The following KCND3 variants were observed in gnomAD, a reference collection of about 807,000 sequenced individuals.
The protein encoded by KCND3 is potassium voltage-gated channel subfamily D member 3.
Under a neutral mutation model 51.1 loss-of-function variants are expected in KCND3, and 9 were observed. The ratio of observed to expected loss-of-function variants is 0.18; its 90% confidence interval spans 0.11 to 0.31. KCND3 has a LOEUF of 0.31. Among genes scored for constraint, KCND3 ranks in the 10% least tolerant of loss-of-function variants. The pLI is 1.00. For synonymous variants in KCND3, 349 were observed against 368.0 expected (o/e 0.95, Z 0.59); for missense variants, 526 against 903.8 (o/e 0.58, Z 5.36).
At chr1:111,895,378 G>C (rs1476805047) in intron 2 of KCND3, among the ~76,000 whole-genome samples, 1 of 152,136 alleles carries the variant, frequency 6.6e-6, no homozygotes, top group Non-Finnish European at 1.5e-5. Flanking sequence ...AGAGCAAAGT[G>C]CACACCAAAT....
intron 2 of KCND3, among the ~76,000 whole-genome samples, chr1:111,897,144 C>A (rs1019810624): frequency 6.6e-6 from 1 of 152,234 alleles, no homozygotes; most frequent in Non-Finnish European, 1.5e-5. Flanking sequence ...CTTCCTACAG[C>A]GCTGGCCCTG....
At chr1:111,830,203 A>G (rs1040139368) in intron 2 of KCND3, among the ~76,000 whole-genome samples, 2 of 152,174 alleles carry the variant, frequency 1.3e-5, no homozygotes, top group African/African-American at 2.4e-5. Context: ...ATATCAATTA[A>G]CAAACAAATG....
chr1:111,790,649 C>T (rs545382022), intron 2 of KCND3, among the ~76,000 whole-genome samples: 65 of 152,286 alleles, frequency 4.3e-4, no homozygotes, highest in African/African-American at 1.4e-3. Flanking sequence ...TAGAGAGTTG[C>T]GCTCACATCA....
intron 2 of KCND3, among the ~76,000 whole-genome samples, chr1:111,821,687 T>C (rs1171558976): frequency 6.6e-6 from 1 of 152,130 alleles, no homozygotes; most frequent in Non-Finnish European, 1.5e-5. Flanking sequence ...GAGGCCCAGT[T>C]AGTGTCTTCT....
chr1:111,847,239 T>G (rs962374436), intron 2 of KCND3, among the ~76,000 whole-genome samples: 3 of 152,108 alleles, frequency 2.0e-5, no homozygotes, highest in Admixed American at 1.3e-4. Context: ...GGTTTTCATA[T>G]CACAGAGACA....
intron 2 of KCND3, among the ~76,000 whole-genome samples, chr1:111,979,382 C>G (rs1674816693): frequency 6.6e-6 from 1 of 152,194 alleles, no homozygotes; most frequent in Admixed American, 6.5e-5. Context: ...TTAAACTGCT[C>G]AGAAGGAAAT....
intron 2 of KCND3, among the ~76,000 whole-genome samples, chr1:111,848,750 T>C (rs1276043144): frequency 1.3e-5 from 2 of 152,198 alleles, no homozygotes; most frequent in South Asian, 2.1e-4. Context: ...CAAGCTTCCA[T>C]TCTTGCCTGT....
At chr1:111,904,399 G>T (rs1446569908) in intron 2 of KCND3, among the ~76,000 whole-genome samples, 1 of 152,166 alleles carries the variant, frequency 6.6e-6, no homozygotes, top group African/African-American at 2.4e-5. Flanking sequence ...CCCTTTAGGG[G>T]CAGCTTTCCT....
At chr1:111,900,274 T>C (rs1670324734) in intron 2 of KCND3, among the ~76,000 whole-genome samples, 1 of 152,130 alleles carries the variant, frequency 6.6e-6, no homozygotes, top group South Asian at 2.1e-4. Flanking sequence ...AGTGATGCTG[T>C]ATCTGAGACT....
At chr1:111,958,095 C>T (rs1040680991) in intron 2 of KCND3, among the ~76,000 whole-genome samples, 12 of 152,220 alleles carry the variant, frequency 7.9e-5, no homozygotes, top group Non-Finnish European at 1.5e-5. Context: ...CCCTAGGGAC[C>T]CTGCCCAGTG....
intron 2 of KCND3, among the ~76,000 whole-genome samples, chr1:111,973,332 A>G (rs192179967): frequency 1.7e-4 from 26 of 152,322 alleles, no homozygotes; most frequent in Admixed American, 1.6e-3. Context: ...GCAAGGCCCC[A>G]TGGTTTGGCC....
intron 3 of KCND3, among the ~76,000 whole-genome samples, chr1:111,781,609 T>G (rs1664389800): frequency 1.3e-5 from 2 of 152,082 alleles, no homozygotes; most frequent in Admixed American, 1.3e-4. Context: ...AACCTCTGCC[T>G]CCTGGGTTCA....
Position 111,777,146 on chromosome 1 carries a change from C to T in KCND3, c.1646G>A (p.Arg549His), listed in dbSNP as rs35027371. 8.8e-5 allele frequency: 142 copies of T among 1,614,002 alleles called. No individual in the cohort carries two copies. The highest frequency in any genetic ancestry group is 1.1e-4 in the Non-Finnish European group (124 of 1,180,030). Residue 549 changes from arginine (R) to histidine (H), a missense_variant, in exon 7 of 8, where the codon CGT becomes CAT. Coordinates refer to ENST00000302127, the MANE Select transcript of KCND3 (RefSeq NM_001378969.1). ...CAGGTGTGTGGTCTTCTTACTACGA[C>T]GGGAGCAGCAGGTGGTAGTGAGGCC... ...HPGLTTTCCS[R>H]RSKKTTHLPN...
At chr1:111,945,749 G>T (rs1488326453) in intron 2 of KCND3, among the ~76,000 whole-genome samples, 1 of 152,204 alleles carries the variant, frequency 6.6e-6, no homozygotes, top group Non-Finnish European at 1.5e-5. Context: ...AGGGTCCTGG[G>T]CTGTCATCAG....
At position 111,776,242 on chromosome 1, in the gene KCND3, C is replaced by T. The variant is rs1256882348; in HGVS notation, c.1803G>A (p.Leu601=). Residue 601 remains leucine (L), a synonymous_variant, in exon 8 of 8, where the codon CTG becomes CTA. Transcript: ENST00000302127. ...SSLNLKADDG[L]RPNCKTSQIT... is the part of the protein sequence containing the mutation. ...TCTGGGATGTTTTGCAGTTTGGTCT[C>T]AGTCCGTCGTCTGCTTTCAAATTAA... The T allele has an allele frequency of 1.2e-6, 2 of 1,614,020 alleles. No homozygotes were observed. Among genetic ancestry groups the T allele is most frequent in the African/African-American group, 1.3e-5 (1 of 74,902 alleles).
At chr1:111,776,372 G>C (rs1664112693) in intron 7 of KCND3, 94 bp from the exon 8 acceptor site, 3 of 1,171,686 alleles carry the variant, frequency 2.6e-6, no homozygotes, top group Non-Finnish European at 3.7e-6. Flanking sequence ...TGGTAACTAG[G>C]AGGATATTTT....
intron 2 of KCND3, among the ~76,000 whole-genome samples, chr1:111,863,971 G>A (rs186228676): frequency 9.9e-5 from 15 of 152,186 alleles, no homozygotes; most frequent in Admixed American, 8.5e-4. Flanking sequence ...TGAGGAGTGA[G>A]GTGGGAAGGA....
intron 2 of KCND3, among the ~76,000 whole-genome samples, chr1:111,882,423 C>A (rs1344232022): frequency 6.6e-6 from 1 of 152,200 alleles, no homozygotes; most frequent in African/African-American, 2.4e-5. Context: ...GTCTTCCCTG[C>A]CCCAAGCCCA....
intron 2 of KCND3, among the ~76,000 whole-genome samples, chr1:111,899,668 T>C (rs941934130): frequency 6.6e-6 from 1 of 152,144 alleles, no homozygotes; most frequent in Non-Finnish European, 1.5e-5. Flanking sequence ...TTAATTTCCT[T>C]ATAGATTGTG....
Sources: gnomAD v4.1 joint callset for allele counts (sites outside exome capture counted in the v4.1 genomes callset) on GRCh38, gnomAD v4.1.1 for gene constraint, MANE v1.5 for transcripts, NCBI Gene and HGNC (gene_info 2026-07-23, HGNC 2026-07-21) for gene names.